Variants in ZNF385D observed in about 807,000 individuals in gnomAD.
ZNF385D encodes the protein zinc finger protein 385D, also known as zinc finger protein 659.
In ZNF385D, 15 loss-of-function variants were observed where a neutral mutation model predicts 35.8. The ratio of observed to expected loss-of-function variants is 0.42; its 90% CI spans 0.28 to 0.64. The LOEUF is 0.64. Among genes scored for constraint, ZNF385D ranks in the 30% least tolerant of loss-of-function variants. The probability of loss-of-function intolerance (pLI) is 0.23; values close to 1 mark genes in which losing one functional copy is unlikely to be tolerated. For synonymous variants in ZNF385D, 212 were observed against 186.8 expected (o/e 1.13, Z -1.10); for missense variants, 474 against 494.6 (o/e 0.96, Z 0.39).
In ZNF385D at chr3:21,646,557, A is replaced by G. The variant is rs1559486126; in HGVS notation, c.165+18329T>C. Among the ~76,000 whole-genome samples the G allele has an allele frequency of 6.6e-6, 1 of 152,200 alleles. No homozygotes were observed. The highest frequency in any genetic ancestry group is 2.4e-5 in the African/African-American group (1 of 41,454). ...TTCAGCAAATACTAACTGAGTGTCT[A>G]TTGTGTATTGACCACCTAACAAATA... On this transcript the variant is annotated intron_variant, in intron 2 of 7. Transcript: ENST00000281523. The surrounding 1 kb of genome is among the most constrained non-coding windows in gnomAD (Gnocchi z 4.3).
At chr3:21,931,007 G>A (rs1414107510) in intron 3 of ZNF385D, among the ~76,000 whole-genome samples, 1 of 151,924 alleles carries the variant, frequency 6.6e-6, no homozygotes, top group African/African-American at 2.4e-5. Context: ...AGGACCCTAT[G>A]AAGACAATGA....
intron 3 of ZNF385D, among the ~76,000 whole-genome samples, chr3:21,782,747 T>C (rs1334938316): frequency 1.3e-5 from 2 of 152,118 alleles, no homozygotes; most frequent in African/African-American, 4.8e-5. Flanking sequence ...ACTTTTAGAA[T>C]GTGTCTGATA....
At chr3:21,440,177 A>C (rs1701785269) in intron 4 of ZNF385D, among the ~76,000 whole-genome samples, 2 of 152,240 alleles carry the variant, frequency 1.3e-5, no homozygotes, top group Non-Finnish European at 2.9e-5. Flanking sequence ...CAATGCATAC[A>C]TATAGCAAAG....
chr3:21,556,640 T>C (rs1386737189), intron 3 of ZNF385D, among the ~76,000 whole-genome samples: 1 of 152,208 alleles, frequency 6.6e-6, no homozygotes, highest in Non-Finnish European at 1.5e-5. Context: ...GTAGTATAGT[T>C]AGAAGCCAGG....
In ZNF385D at chr3:22,235,274, T is replaced by G. The variant is rs190937145; in HGVS notation, c.107-66239A>C. On this transcript the variant is annotated intron_variant, in intron 2 of 5. Transcript: ENST00000494108. ...AAGAATAATTTGCCTTTAAAGAGTTTCATTCATTTAAAACAGTAATGAATA... is the reference window on the plus strand; with the variant it reads ...AAGAATAATTTGCCTTTAAAGAGTTGCATTCATTTAAAACAGTAATGAATA... Among the ~76,000 whole-genome samples the G allele has an allele frequency of 9.2e-5, 14 of 152,262 alleles. No homozygotes were observed. In the East Asian group the frequency reaches 2.3e-3, roughly 25 times the overall value.
At chr3:22,277,558 TAA>T (rs1487241391) in intron 2 of ZNF385D, among the ~76,000 whole-genome samples, 2 of 152,116 alleles carry the variant, frequency 1.3e-5, no homozygotes, top group Non-Finnish European at 2.9e-5. Flanking sequence ...AATTAAAGCA[TAA>T]AGTTTTTATC....
rs548185631 is a variant in ZNF385D, at chr3:22,275,053, T to C, written c.106+97397A>G. On this transcript the variant is annotated intron_variant, in intron 2 of 5. Coordinates refer to the ZNF385D transcript ENST00000494108. ...TGCTTTGCTTATTATCATTCTACTGTCATTTCTCAATTACTTGAAAATGTT... is the reference window on the plus strand; with the variant it reads ...TGCTTTGCTTATTATCATTCTACTGCCATTTCTCAATTACTTGAAAATGTT... Among the ~76,000 whole-genome samples the C allele has an allele frequency of 4.7e-4, 71 of 152,230 alleles. No homozygotes were observed. The South Asian group carries it at 0.013, about 27-fold the overall frequency.
chr3:21,787,696 A>G (rs1470341986), intron 3 of ZNF385D, among the ~76,000 whole-genome samples: 1 of 152,154 alleles, frequency 6.6e-6, no homozygotes, highest in African/African-American at 2.4e-5. Context: ...TTAAATATGA[A>G]CGGACAGGAA....
At chr3:21,912,480 A>G (rs1575897262) in intron 3 of ZNF385D, among the ~76,000 whole-genome samples, 1 of 152,142 alleles carries the variant, frequency 6.6e-6, no homozygotes, top group Non-Finnish European at 1.5e-5. Flanking sequence ...CCACGGATAC[A>G]CAGATAAATC....
At chr3:22,133,045 T>C (rs963477173) in intron 3 of ZNF385D, among the ~76,000 whole-genome samples, 2 of 152,170 alleles carry the variant, frequency 1.3e-5, no homozygotes, top group Admixed American at 6.6e-5. Flanking sequence ...ACTAAAATTA[T>C]AGGTATTTAT....
chr3:21,952,562 A>C (rs1174392150), intron 3 of ZNF385D, among the ~76,000 whole-genome samples: 1 of 151,974 alleles, frequency 6.6e-6, no homozygotes, highest in Non-Finnish European at 1.5e-5. Context: ...GAATCCCCCT[A>C]AACCTCAGTT....
chr3:22,175,353 C>G (rs1041827542), intron 2 of ZNF385D, among the ~76,000 whole-genome samples: 1 of 151,732 alleles, frequency 6.6e-6, no homozygotes, highest in Middle Eastern at 3.2e-3. Context: ...GTACTCATGT[C>G]ATGGGATTAG....
intron 3 of ZNF385D, among the ~76,000 whole-genome samples, chr3:22,132,036 C>T (rs918148832): frequency 6.6e-6 from 1 of 152,096 alleles, no homozygotes; most frequent in Non-Finnish European, 1.5e-5. Flanking sequence ...CTAGAGTTGA[C>T]ATTTTGTTCA....
At chr3:21,698,358 A>C (rs1472541043) in intron 1 of ZNF385D, among the ~76,000 whole-genome samples, 1 of 151,974 alleles carries the variant, frequency 6.6e-6, no homozygotes, top group Non-Finnish European at 1.5e-5. Flanking sequence ...AGAAAATTAA[A>C]TACAACATGT....
intron 2 of ZNF385D, among the ~76,000 whole-genome samples, chr3:21,609,029 T>C (rs775475970): frequency 4.6e-5 from 7 of 152,242 alleles, no homozygotes; most frequent in Admixed American, 2.6e-4. Context: ...CCTTCATAAA[T>C]GTAACTATCA....
intron 2 of ZNF385D, among the ~76,000 whole-genome samples, chr3:21,570,774 C>T (rs1313056397): frequency 6.6e-6 from 1 of 152,120 alleles, no homozygotes. Flanking sequence ...CTGTGCGTCT[C>T]TCAGGCACCA....
chr3:21,994,577 G>T (rs1256466163), intron 3 of ZNF385D, among the ~76,000 whole-genome samples: 1 of 151,902 alleles, frequency 6.6e-6, no homozygotes, highest in African/African-American at 2.4e-5. Context: ...GAATTATTGT[G>T]TTCCTTCAGA....
intron 2 of ZNF385D, among the ~76,000 whole-genome samples, chr3:21,602,383 G>A (rs1040051197): frequency 7.9e-5 from 12 of 152,054 alleles, no homozygotes; most frequent in African/African-American, 2.9e-4. Context: ...TGCAAATATT[G>A]ATGAAAATAA....
Position 22,076,725 on chromosome 3 carries a change from G to A in ZNF385D, c.325+92092C>T, listed in dbSNP as rs1046685125. 4.0e-5 allele frequency among the ~76,000 whole-genome samples: 6 copies of A among 151,876 alleles called. No individual in the cohort carries two copies. The South Asian group carries it at 6.2e-4, about 16-fold the overall frequency. On this transcript the variant is annotated intron_variant, in intron 3 of 5. Transcript: ENST00000494108. ...TTTTTAATGTCTGCATTTTATATTC[G>A]GGTTAGGATTGTGCACCAATTACTC...
Sources: allele counts gnomAD v4.1 joint callset (sites outside exome capture counted in the v4.1 genomes callset), GRCh38; gene constraint gnomAD v4.1.1; non-coding constraint Gnocchi (gnomAD v3.1); transcripts MANE v1.5; gene names NCBI Gene and HGNC (gene_info 2026-07-23, HGNC 2026-07-21).